Variants in AXDND1 observed in about 807,000 individuals in gnomAD.
AXDND1 encodes axonemal dynein light chain domain containing 1, also known as axonemal dynein light chain domain-containing protein 1.
Under a neutral mutation model 137.5 loss-of-function variants are expected in AXDND1, and 110 were observed. The observed-to-expected ratio is 0.80, with a 90% CI of 0.69 to 0.94. AXDND1 has a LOEUF of 0.94. Ranked by LOEUF, AXDND1 falls within the 40% of genes least tolerant of loss-of-function variation. The probability of loss-of-function intolerance (pLI) is 0.00; values close to 1 mark genes in which losing one functional copy is unlikely to be tolerated. For missense variants in AXDND1, 1,191 were observed against 1,169.8 expected (o/e 1.02, Z -0.26); for synonymous variants, 414 against 399.7 (o/e 1.04, Z -0.43).
At chr1:179,472,111 A>T (rs1320009118) in intron 17 of AXDND1, among the ~76,000 whole-genome samples, 1 of 152,086 alleles carries the variant, frequency 6.6e-6, no homozygotes, top group South Asian at 2.1e-4. Flanking sequence ...TGGCCAGGCT[A>T]GTCTCGAATT....
chr1:179,507,071 C>A, intron 20 of AXDND1: 1 of 205,814 alleles, frequency 4.9e-6, no homozygotes, highest in Non-Finnish European at 8.5e-6. Flanking sequence ...CTACAATAGG[C>A]TTAACATTTA....
intron 23 of AXDND1, among the ~76,000 whole-genome samples, chr1:179,531,518 C>T (rs964950132): frequency 2.0e-5 from 3 of 152,140 alleles, no homozygotes; most frequent in Non-Finnish European, 2.9e-5. Context: ...TCAGATTTAT[C>T]TTACCATCAT....
At chr1:179,391,739 T>C (rs928160587) in intron 9 of AXDND1, among the ~76,000 whole-genome samples, 1 of 152,024 alleles carries the variant, frequency 6.6e-6, no homozygotes, top group Admixed American at 6.6e-5. Flanking sequence ...GGTTTCACTG[T>C]GTTGGCCAGG....
At chr1:179,444,396 C>T (rs1049292675) in intron 15 of AXDND1, among the ~76,000 whole-genome samples, 8 of 152,152 alleles carry the variant, frequency 5.3e-5, no homozygotes, top group African/African-American at 1.7e-4. Flanking sequence ...CTCTTCTACA[C>T]TGTCTCCCCA....
intron 11 of AXDND1, among the ~76,000 whole-genome samples, chr1:179,399,836 C>G (rs1651689747): frequency 6.6e-6 from 1 of 152,190 alleles, no homozygotes; most frequent in African/African-American, 2.4e-5. Context: ...TGCTCAACAT[C>G]ACTAATGATA....
chr1:179,480,911 GT>G (rs1665283138), intron 17 of AXDND1, among the ~76,000 whole-genome samples: 5 of 135,384 alleles, frequency 3.7e-5, no homozygotes, highest in Admixed American at 7.5e-5. Flanking sequence ...TTTTTTGTTT[GT>G]TTGTTTTTGC....
At chr1:179,377,110 CTAG>C (rs1052018152) in intron 4 of AXDND1, among the ~76,000 whole-genome samples, 1 of 151,862 alleles carries the variant, frequency 6.6e-6, no homozygotes, top group African/African-American at 2.4e-5. Flanking sequence ...TTTTGTATTT[CTAG>C]TAGAGATGGG....
chr1:179,477,425 A>T (rs1054717237), intron 17 of AXDND1, among the ~76,000 whole-genome samples: 1 of 152,092 alleles, frequency 6.6e-6, no homozygotes, highest in African/African-American at 2.4e-5. Context: ...ACAAAAAATC[A>T]TGGTGGAAGG....
chr1:179,516,836 A>G (rs984941385), intron 21 of AXDND1, among the ~76,000 whole-genome samples: 2 of 152,150 alleles, frequency 1.3e-5, no homozygotes, highest in African/African-American at 2.4e-5. Context: ...CGTGGATACC[A>G]GCACCTGTTC....
intron 17 of AXDND1, among the ~76,000 whole-genome samples, chr1:179,477,674 A>AT (rs1664808106): frequency 6.6e-6 from 1 of 152,160 alleles, no homozygotes; most frequent in African/African-American, 2.4e-5. Context: ...AAACCATATC[A>AT]TTTTGCCCCT....
intron 21 of AXDND1, among the ~76,000 whole-genome samples, chr1:179,511,408 G>GTA (rs1669049371): frequency 6.6e-6 from 1 of 150,454 alleles, no homozygotes; most frequent in Non-Finnish European, 1.5e-5. Context: ...GTGTGTGTGT[G>GTA]TGTGTGTGTG....
At chr1:179,474,049 C>T (rs1484075123) in intron 17 of AXDND1, among the ~76,000 whole-genome samples, 1 of 151,754 alleles carries the variant, frequency 6.6e-6, no homozygotes, top group Non-Finnish European at 1.5e-5. Flanking sequence ...CATGGTGAAA[C>T]CCCCGTCTCT....
chr1:179,411,152 A>G lies in AXDND1; in HGVS notation c.1116A>G (p.Val372=), dbSNP rs1476239010. The G allele has an allele frequency of 3.2e-6, 5 of 1,570,416 alleles. No individual in the cohort carries two copies. The African/African-American group carries it at 5.5e-5, about 17-fold the overall frequency. Residue 372 remains valine, a synonymous_variant, in exon 12 of 26, where the codon GTA becomes GTG. Coordinates refer to ENST00000367618, the MANE Select transcript of AXDND1 (RefSeq NM_144696.6). ...LLNAEKNAKI[V]EEYHDLYTLQ... is the part of the protein sequence containing the mutation. The stretch of plus-strand genomic sequence containing the variant: ...TTCTTAATTGTTTTTATAGAATAGT[A>G]GAAGAATATCATGACTTATATACAT...
intron 12 of AXDND1, among the ~76,000 whole-genome samples, chr1:179,416,870 CT>C (rs1409026705): frequency 6.6e-6 from 1 of 152,164 alleles, no homozygotes; most frequent in Non-Finnish European, 1.5e-5. Context: ...ATAAAACACC[CT>C]TTACCCACAA....
chr1:179,504,470 T>C (rs1032309771), intron 20 of AXDND1, among the ~76,000 whole-genome samples: 1 of 152,178 alleles, frequency 6.6e-6, no homozygotes, highest in African/African-American at 2.4e-5. Context: ...CGAGACCAGG[T>C]TTTCAGATAA....
rs144267093 is a variant in AXDND1 at position 179,445,159 on chromosome 1, C to A, written c.1753C>A (p.Gln585Lys). 2.0e-4 allele frequency: 317 copies of A among 1,607,230 alleles called. 1 individual carries two copies. Among genetic ancestry groups the A allele is most frequent in the Non-Finnish European group, 2.2e-4 (261 of 1,176,362 alleles). Residue 585 changes from glutamine (Q) to lysine (K), a missense_variant, in exon 16 of 26, where the codon CAA (glutamine) becomes AAA (lysine). Physicochemically the swap from Gln to Lys is moderately conservative, Grantham distance 53 (BLOSUM62 1). Transcript: ENST00000367618. ...QYMEEIIKNIQKLYKEYEIRI... is the reference protein window; with the variant it reads ...QYMEEIIKNIKKLYKEYEIRI... ...CATGGAGGAAATTATCAAAAACATA[C>A]AAAAACTCTACAAAGAATATGAAAT...
intron 20 of AXDND1, among the ~76,000 whole-genome samples, chr1:179,507,306 T>C (rs1475739372): frequency 1.3e-5 from 2 of 152,218 alleles, no homozygotes; most frequent in Non-Finnish European, 2.9e-5. Context: ...GTAAAACGTT[T>C]ACAGTAAAAC....
At chr1:179,374,803 C>T (rs12130748) in intron 4 of AXDND1, among the ~76,000 whole-genome samples, 16,169 of 133,578 alleles carry the variant, frequency 0.12, 1,051 homozygotes, top group East Asian at 0.34. Context: ...GGGTGGGGAA[C>T]ATCACACACC....
Position 179,385,378 on chromosome 1 carries a change from A to G in AXDND1, c.863+19A>G, listed in dbSNP as rs1318267016. ...AAGTCAGGTTAGTGCTGTTATTGGAATGGTCCAGTTTCCTTTTGATTTTTA... is the reference window on the plus strand; with the variant it reads ...AAGTCAGGTTAGTGCTGTTATTGGAGTGGTCCAGTTTCCTTTTGATTTTTA... On this transcript the variant is annotated intron_variant, in intron 9 of 25. Coordinates refer to ENST00000367618, the MANE Select transcript of AXDND1 (RefSeq NM_144696.6). 2 of 1,613,650 alleles carry G rather than the reference A, an allele frequency of 1.2e-6. No homozygotes were observed. The highest frequency in any genetic ancestry group is 8.5e-7 in the Non-Finnish European group (1 of 1,179,814).
Sources: gnomAD v4.1 joint callset for allele counts (sites outside exome capture counted in the v4.1 genomes callset) on GRCh38, gnomAD v4.1.1 for gene constraint, MANE v1.5 for transcripts, NCBI Gene and HGNC (gene_info 2026-07-23, HGNC 2026-07-21) for gene names.